Variants in SPTLC1 observed in about 807,000 individuals in gnomAD.
SPTLC1 encodes the protein serine palmitoyltransferase 1.
A neutral mutation model predicts 68.9 loss-of-function variants in SPTLC1; 55 were observed. The observed-to-expected ratio is 0.80, with a 90% CI of 0.64 to 1.00. The LOEUF is 1.00. Ranked by LOEUF, SPTLC1 falls within the 50% of genes least tolerant of loss-of-function variation. The probability of loss-of-function intolerance (pLI) is 0.00; values close to 1 mark genes in which losing one functional copy is unlikely to be tolerated. For synonymous variants in SPTLC1, 197 were observed against 201.6 expected (o/e 0.98, Z 0.19); for missense variants, 449 against 573.1 (o/e 0.78, Z 2.21).
chr9:92,105,837 C>T (rs1417205915), intron 3 of SPTLC1, among the ~76,000 whole-genome samples: 3 of 150,530 alleles, frequency 2.0e-5, no homozygotes, highest in South Asian at 2.1e-4. Context: ...TGCCTCTGCC[C>T]GGCCTCCTCA....
intron 5 of SPTLC1, among the ~76,000 whole-genome samples, chr9:92,071,864 CT>C (rs1196428172): frequency 6.6e-6 from 1 of 152,210 alleles, no homozygotes; most frequent in Non-Finnish European, 1.5e-5. Context: ...TCTACCCTAA[CT>C]GATCAATCAA....
intron 5 of SPTLC1, among the ~76,000 whole-genome samples, chr9:92,071,913 A>C (rs1218309006): frequency 6.6e-6 from 1 of 152,220 alleles, no homozygotes; most frequent in African/African-American, 2.4e-5. Flanking sequence ...TAACCTTGTG[A>C]TAATGTACCT....
At position 92,047,249 on chromosome 9, in the gene SPTLC1, T is replaced by C; in HGVS notation, c.1004A>G (p.Tyr335Cys). Residue 335 changes from tyrosine (Y) to cysteine (C), a missense_variant, in exon 11 of 15, where the codon TAC becomes TGC. By Grantham distance (194) the Tyr-to-Cys change is radical (BLOSUM62 -2). Around this residue, in one of 3 missense-constraint regions of SPTLC1, gnomAD observed 391 missense variants for 472.1 expected, o/e 0.83. Transcript: ENST00000262554. ...GGGAGGTAACGAAGCTGAAAAGCAGTATCCCTGGCCGGAAAGTCGCTGAGA... is the reference window on the plus strand; with the variant it reads ...GGGAGGTAACGAAGCTGAAAAGCAGCATCCCTGGCCGGAAAGTCGCTGAGA... ...IDHQRLSGQG[Y>C]CFSASLPPLL... 1 of 1,614,072 alleles carries C rather than the reference T, an allele frequency of 6.2e-7. No individual in the cohort carries two copies. The highest frequency in any genetic ancestry group is 8.5e-7 in the Non-Finnish European group (1 of 1,179,936).
intron 7 of SPTLC1, among the ~76,000 whole-genome samples, chr9:92,055,858 T>C (rs1214118077): frequency 6.6e-6 from 1 of 152,158 alleles, no homozygotes; most frequent in Non-Finnish European, 1.5e-5. Context: ...CTGGGTTACA[T>C]GGGTATAATC....
At chr9:92,040,522 G>A (rs927933016) in intron 12 of SPTLC1, among the ~76,000 whole-genome samples, 1 of 152,146 alleles carries the variant, frequency 6.6e-6, no homozygotes, top group African/African-American at 2.4e-5. Flanking sequence ...ACTTTGGGAT[G>A]CCAAGGTTGG....
chr9:92,054,729 A>G (rs1276579275), intron 8 of SPTLC1, among the ~76,000 whole-genome samples: 1 of 152,176 alleles, frequency 6.6e-6, no homozygotes, highest in East Asian at 1.9e-4. Context: ...CCTAGCCGAC[A>G]TGGTGAAACC....
chr9:92,101,906 T>C (rs1261464657), intron 3 of SPTLC1, among the ~76,000 whole-genome samples: 1 of 151,902 alleles, frequency 6.6e-6, no homozygotes, highest in African/African-American at 2.4e-5. Context: ...CTCCCAATTC[T>C]TGGGAGAGAT....
Position 92,050,020 on chromosome 9 carries a change from G to A in SPTLC1, c.828C>T (p.Ser276=). The A allele has an allele frequency of 6.2e-7, 1 of 1,613,912 alleles. No individual in the cohort carries two copies. The highest frequency in any genetic ancestry group is 8.5e-7 in the Non-Finnish European group (1 of 1,179,836). Residue 276 remains serine, a synonymous_variant, in exon 9 of 15, where the codon AGC becomes AGT. Transcript: ENST00000262554. ...KYKARIFLEE[S]LSFGVLGEHG... ...GCTCTCCTAGGACTCCAAATGAAAG[G>A]CTTTCCTCCAGGAAGATTCTTGCTT...
At position 92,115,373 on chromosome 9, in the gene SPTLC1, T is replaced by C. The variant is rs750255730; in HGVS notation, c.-3A>G. 1.2e-6 allele frequency: 2 copies of C among 1,613,172 alleles called. No individual in the cohort carries two copies. Among genetic ancestry groups the C allele is most frequent in the South Asian group, 1.1e-5 (1 of 91,080 alleles). ...CACTGCTCCGTGGCGGTCGCCATAG[T>C]TAGCCGCTTCCTTCCGGAAGGCGGG... On this transcript the variant is annotated 5_prime_UTR_variant, in exon 1 of 15. Coordinates refer to ENST00000262554, the MANE Select transcript of SPTLC1 (RefSeq NM_006415.4).
At chr9:92,101,122 A>G (rs1257637363) in intron 3 of SPTLC1, among the ~76,000 whole-genome samples, 1 of 152,240 alleles carries the variant, frequency 6.6e-6, no homozygotes, top group Non-Finnish European at 1.5e-5. Flanking sequence ...GGAAATTTTC[A>G]AATTGCCTTA....
intron 6 of SPTLC1, among the ~76,000 whole-genome samples, chr9:92,064,743 C>G (rs1444959945): frequency 1.3e-5 from 2 of 152,138 alleles, no homozygotes; most frequent in Non-Finnish European, 2.9e-5. Flanking sequence ...AACAGTGGTA[C>G]CTTCATGCCA....
intron 12 of SPTLC1, among the ~76,000 whole-genome samples, chr9:92,038,807 C>T (rs1833242292): frequency 6.6e-6 from 1 of 152,234 alleles, no homozygotes; most frequent in Non-Finnish European, 1.5e-5. Context: ...GGCTCTGCTC[C>T]ATCATTTGCT....
At chr9:92,036,408 G>A (rs1564079907) in intron 13 of SPTLC1, among the ~76,000 whole-genome samples, 2 of 152,238 alleles carry the variant, frequency 1.3e-5, no homozygotes, top group East Asian at 3.8e-4. Flanking sequence ...GCAGTAGTAA[G>A]ACTTTAGCTG....
rs185282307 is a variant in SPTLC1 at position 92,047,384 on chromosome 9, G to C, written c.985-116C>G. 9.0e-5 allele frequency: 79 copies of C among 876,712 alleles called. No homozygotes were observed. In the African/African-American group the frequency reaches 1.2e-3, roughly 13 times the overall value. The allele number at this position is 876,712 out of a possible 1,614,324, so 54.3% of individuals were successfully genotyped here. A position where few individuals can be genotyped will look rare whatever the true frequency, so the allele number is the denominator to read the frequency against. On this transcript the variant is annotated intron_variant, in intron 10 of 14. Transcript: ENST00000262554. The stretch of plus-strand genomic sequence containing the variant: ...ACAGTGTGTACATGTGGTGAGGGGG[G>C]TAAGATCCAGCCATAAATAAACATT...
intron 3 of SPTLC1, among the ~76,000 whole-genome samples, chr9:92,093,886 C>A (rs2118755149): frequency 6.6e-6 from 1 of 152,186 alleles, no homozygotes; most frequent in African/African-American, 2.4e-5. Context: ...TAGGCAGAGA[C>A]CAATGAAAGA....
chr9:92,067,896 G>A, intron 6 of SPTLC1, 70 bp downstream of exon 6: 6 of 1,520,502 alleles, frequency 3.9e-6, no homozygotes, highest in South Asian at 3.4e-5. Flanking sequence ...TTCTAATGAA[G>A]TATTTCTCTA....
intron 3 of SPTLC1, among the ~76,000 whole-genome samples, chr9:92,090,873 C>A (rs556478790): frequency 1.3e-5 from 2 of 152,298 alleles, no homozygotes; most frequent in East Asian, 1.9e-4. Flanking sequence ...ATCTGCCTGA[C>A]ATCCTCCCTT....
intron 4 of SPTLC1, 24 bp downstream of exon 4, chr9:92,080,846 A>T: frequency 6.5e-7 from 1 of 1,547,326 alleles, no homozygotes; most frequent in Non-Finnish European, 8.9e-7. Context: ...TTATCTGTCC[A>T]CTTCAGCAAT....
At chr9:92,109,861 AC>A (rs1390595607) in intron 2 of SPTLC1, 1 of 152,222 alleles carries the variant, frequency 6.6e-6, no homozygotes, top group Non-Finnish European at 1.5e-5. Flanking sequence ...AATCCCAGCT[AC>A]TCGGGAAGGC....
Sources: gnomAD v4.1 joint callset for allele counts (sites outside exome capture counted in the v4.1 genomes callset) on GRCh38, gnomAD v4.1.1 for gene constraint, gnomAD v4.1.1 regional missense constraint, MANE v1.5 for transcripts, NCBI Gene and HGNC (gene_info 2026-07-23, HGNC 2026-07-21) for gene names.